The following SPATA7 variants were observed in gnomAD, a reference collection of about 807,000 sequenced individuals.
SPATA7 encodes the protein spermatogenesis-associated protein 7.
In SPATA7, 43 loss-of-function variants were observed where a neutral mutation model predicts 51.8. That is an observed-to-expected ratio of 0.83 (90% CI 0.65 to 1.07). The LOEUF is 1.07. SPATA7 is among the 50% of genes least tolerant of loss of function. SPATA7 has a pLI of 0.00. For missense variants in SPATA7, 683 were observed against 701.3 expected, an observed-to-expected ratio of 0.97 and a Z score of 0.30; for synonymous variants, 230 against 252.8, an observed-to-expected ratio of 0.91 and a Z score of 0.86.
chr14:88,396,342 A>C, intron 4 of SPATA7, 139 bp downstream of exon 4: 1 of 662,976 alleles, frequency 1.5e-6, no homozygotes, highest in Non-Finnish European at 2.7e-6. Flanking sequence ...AATGATAACT[A>C]CTACCTCCAG....
chr14:88,401,686 A>C (rs1332831402), intron 4 of SPATA7, among the ~76,000 whole-genome samples: 1 of 151,754 alleles, frequency 6.6e-6, no homozygotes, highest in Non-Finnish European at 1.5e-5. Context: ...AAAAACTAAA[A>C]ATTAACCAGG....
At chr14:88,386,094 G>A in intron 1 of SPATA7, 12 of 1,361,156 alleles carry the variant, frequency 8.8e-6, no homozygotes, top group Non-Finnish European at 1.2e-5. Context: ...CTGAACTCAG[G>A]GTCGTGCAGC....
rs142491635 is a variant in SPATA7 at position 88,431,943 on chromosome 14, G to A, written c.1082+718G>A. On this transcript the variant is annotated intron_variant, in intron 9 of 11. Transcript: ENST00000393545. ...AGAAACTGACCTGAATAATTTTCTC[G>A]AATTTTTTTGAGAAATAATAACAAC... 3.0e-4 allele frequency among the ~76,000 whole-genome samples: 46 copies of A among 152,096 alleles called. 1 individual carries two copies. Among genetic ancestry groups the A allele is most frequent in the Middle Eastern group, 6.8e-3 (2 of 294 alleles).
intron 4 of SPATA7, among the ~76,000 whole-genome samples, chr14:88,404,197 ACT>A (rs1595206666): frequency 6.6e-6 from 1 of 152,220 alleles, no homozygotes; most frequent in East Asian, 1.9e-4. Context: ...AGATAGAAAG[ACT>A]CTATATAATG....
At chr14:88,443,375 G>A (rs146841207), downstream of SPATA7, among the ~76,000 whole-genome samples, 493 of 152,020 alleles carry the variant, frequency 3.2e-3, 2 homozygotes, top group African/African-American at 0.011. Flanking sequence ...TCTCCTCTAG[G>A]TTTTCTAGTT....
chr14:88,395,484 C>G (rs978396131), intron 3 of SPATA7, among the ~76,000 whole-genome samples: 7 of 147,978 alleles, frequency 4.7e-5, no homozygotes, highest in African/African-American at 9.7e-5. Context: ...TTTGCCTAAC[C>G]TTAGGTCACT....
chr14:88,386,099 T>A, intron 1 of SPATA7: 1 of 1,341,520 alleles, frequency 7.5e-7, no homozygotes, highest in Non-Finnish European at 9.8e-7. Flanking sequence ...CTCAGGGTCG[T>A]GCAGCCTTTA....
chr14:88,414,147 T>G (rs1366412059), intron 4 of SPATA7, among the ~76,000 whole-genome samples: 1 of 152,136 alleles, frequency 6.6e-6, no homozygotes, highest in Non-Finnish European at 1.5e-5. Context: ...TACCAACTAT[T>G]GGTATGTCTG....
chr14:88,464,098 C>A (rs1465897597), intron 4 of SPATA7, among the ~76,000 whole-genome samples: 3 of 152,072 alleles, frequency 2.0e-5, no homozygotes. Context: ...CTCGGCCTCC[C>A]AAAGTGCTGG....
Position 88,416,856 on chromosome 14 carries a change from T to G in SPATA7, c.372+12T>G. ...ATACCTTACAAAAGGTAAGATAGTA[T>G]TTTTATTTTTTAAAAGCAAATGTTT... On this transcript the variant is annotated intron_variant, in intron 5 of 11. Transcript: ENST00000393545. 6.4e-7 allele frequency: 1 copy of G among 1,563,922 alleles called. No homozygotes were observed.
chr14:88,426,813 T>C, intron 6 of SPATA7, 109 bp downstream of exon 6: 1 of 985,670 alleles, frequency 1.0e-6, no homozygotes, highest in Non-Finnish European at 1.5e-6. Context: ...ATAGTGCCCT[T>C]TTGATTGGAA....
intron 5 of SPATA7, among the ~76,000 whole-genome samples, chr14:88,419,298 A>G (rs910525680): frequency 1.3e-5 from 2 of 152,124 alleles, no homozygotes; most frequent in Non-Finnish European, 2.9e-5. Context: ...TGGTGAACTG[A>G]ACCTGTTATC....
chr14:88,458,759 G>C (rs1305899911), downstream of SPATA7, among the ~76,000 whole-genome samples: 1 of 152,094 alleles, frequency 6.6e-6, no homozygotes, highest in African/African-American at 2.4e-5. Context: ...CTTGCCTTCT[G>C]CTAGCTTTTG....
At position 88,438,153 on chromosome 14, in the gene SPATA7, G is replaced by A; in HGVS notation, c.1531G>A (p.Asp511Asn). ...AGGGGTTATAATTCAACAGGTGAAT[G>A]ATGAAACAAATCTTGAAACTTCAAC... ...SEGVIIQQVNDETNLETSTLD... is the reference protein window; with the variant it reads ...SEGVIIQQVNNETNLETSTLD... Residue 511 changes from aspartate (D) to asparagine (N), a missense_variant, in exon 12 of 12, where the codon GAT becomes AAT. By Grantham distance (23) the Asp-to-Asn change is conservative (BLOSUM62 1). Coordinates refer to ENST00000393545, the MANE Select transcript of SPATA7 (RefSeq NM_018418.5). 1 of 1,613,666 alleles carries A rather than the reference G, an allele frequency of 6.2e-7. No individual in the cohort carries two copies. The highest frequency in any genetic ancestry group is 8.5e-7 in the Non-Finnish European group (1 of 1,179,752).
intron 5 of SPATA7, among the ~76,000 whole-genome samples, chr14:88,418,963 G>T (rs2076561744): frequency 1.3e-5 from 2 of 152,012 alleles, no homozygotes; most frequent in Admixed American, 6.6e-5. Context: ...GTCCCAGTAG[G>T]TGGACAATTT....
At chr14:88,453,576 G>C (rs2077266151) in intron 3 of SPATA7, among the ~76,000 whole-genome samples, 1 of 152,148 alleles carries the variant, frequency 6.6e-6, no homozygotes, top group Non-Finnish European at 1.5e-5. Context: ...CGGGGATGAA[G>C]GGCCTTGGTT....
chr14:88,386,378 G>T (rs2075577811), intron 1 of SPATA7, among the ~76,000 whole-genome samples: 1 of 152,180 alleles, frequency 6.6e-6, no homozygotes, highest in East Asian at 1.9e-4. Context: ...GTAACCCAGG[G>T]TTTCTGTAAC....
chr14:88,442,790 GATC>G (rs1189837371), downstream of SPATA7, among the ~76,000 whole-genome samples: 1 of 152,026 alleles, frequency 6.6e-6, no homozygotes, highest in Admixed American at 6.5e-5. Flanking sequence ...GTATTAGGGT[GATC>G]ATGGCTTCAT....
chr14:88,468,114 GCCCCGTAAGA>G, intron 4 of SPATA7: 1 of 1,612,914 alleles, frequency 6.2e-7, no homozygotes, highest in Non-Finnish European at 8.5e-7. Flanking sequence ...CACATGACTG[GCCCCGTAAGA>G]AATTGTGGGA....
Sources: allele counts gnomAD v4.1 joint callset (sites outside exome capture counted in the v4.1 genomes callset), GRCh38; gene constraint gnomAD v4.1.1; transcripts MANE v1.5; gene names NCBI Gene and HGNC (gene_info 2026-07-23, HGNC 2026-07-21).